SLC14A2: variants seen among roughly 807,000 people sequenced by gnomAD.
The protein encoded by SLC14A2 is solute carrier family 14 member 2, also known as urea transporter 2.
SLC14A2 carries 91 observed loss-of-function variants against 104.6 expected under a neutral mutation model. That is an observed-to-expected ratio of 0.87 (90% CI 0.73 to 1.04). The LOEUF is 1.04. Among genes scored for constraint, SLC14A2 ranks in the 50% least tolerant of loss-of-function variants. SLC14A2 has a pLI of 0.00. For synonymous variants in SLC14A2, 476 were observed against 466.4 expected (o/e 1.02, Z -0.27); for missense variants, 1,189 against 1,156.0 (o/e 1.03, Z -0.41).
chr18:45,251,114 G>T (rs2084418794), intron 1 of SLC14A2, among the ~76,000 whole-genome samples: 2 of 151,962 alleles, frequency 1.3e-5, no homozygotes, highest in Admixed American at 6.5e-5. Context: ...TGAGATTTTG[G>T]TGTACCCATC....
the SLC14A2 span, chr18:45,168,870 A>G: frequency 3.9e-5 from 6 of 152,202 alleles, no homozygotes; most frequent in African/African-American, 1.4e-4. Context: ...CTCTCTATAT[A>G]TTAAAACTTT....
At chr18:45,630,169 A>G (rs977776402) in intron 4 of SLC14A2, among the ~76,000 whole-genome samples, 2 of 152,174 alleles carry the variant, frequency 1.3e-5, no homozygotes, top group Admixed American at 1.3e-4. Flanking sequence ...TGGGCCATAT[A>G]CACCCACAGT....
chr18:45,275,753 TC>T (rs2084695607), intron 1 of SLC14A2, among the ~76,000 whole-genome samples: 1 of 152,224 alleles, frequency 6.6e-6, no homozygotes, highest in Non-Finnish European at 1.5e-5. Context: ...AGATTTCATC[TC>T]TTTTTTTACT....
chr18:45,204,810 T>TAA, the SLC14A2 span, among the ~76,000 whole-genome samples: 81 of 138,210 alleles, frequency 5.9e-4, no homozygotes, highest in African/African-American at 2.0e-3. Context: ...ATCACTGAGA[T>TAA]AAAAAAAAAA....
chr18:45,380,565 A>T (rs1217463695), intron 1 of SLC14A2, among the ~76,000 whole-genome samples: 1 of 152,212 alleles, frequency 6.6e-6, no homozygotes, highest in Non-Finnish European at 1.5e-5. Flanking sequence ...CAACTAGTAA[A>T]AAAAGTGGAA....
intron 1 of SLC14A2, among the ~76,000 whole-genome samples, chr18:45,463,240 G>A (rs2087077930): frequency 6.6e-6 from 1 of 152,320 alleles, no homozygotes; most frequent in Non-Finnish European, 1.5e-5. Flanking sequence ...TGGGCAAAGG[G>A]GGAGGCAGTT....
At chr18:45,524,951 T>G (rs2043571469) in intron 2 of SLC14A2, among the ~76,000 whole-genome samples, 1 of 152,232 alleles carries the variant, frequency 6.6e-6, no homozygotes, top group South Asian at 2.1e-4. Context: ...AAGCATCTCC[T>G]TATTATCAAG....
intron 2 of SLC14A2, chr18:45,485,335 T>C (rs1254900774): frequency 6.6e-6 from 1 of 152,244 alleles, no homozygotes; most frequent in African/African-American, 2.4e-5. Context: ...CAATTCCTCA[T>C]TGTTCAAATG....
intron 1 of SLC14A2, among the ~76,000 whole-genome samples, chr18:45,260,817 A>G (rs1449084307): frequency 1.3e-5 from 2 of 152,108 alleles, no homozygotes; most frequent in African/African-American, 4.8e-5. Flanking sequence ...GATGGTAACA[A>G]CAGATACTGG....
intron 1 of SLC14A2, among the ~76,000 whole-genome samples, chr18:45,359,592 C>A (rs2085590385): frequency 6.6e-6 from 1 of 152,234 alleles, no homozygotes; most frequent in Non-Finnish European, 1.5e-5. Context: ...CCAATCAGGG[C>A]AGTTTCCTTG....
intron 1 of SLC14A2, among the ~76,000 whole-genome samples, chr18:45,249,439 A>G (rs1055701475): frequency 1.8e-4 from 27 of 152,044 alleles, no homozygotes; most frequent in Non-Finnish European, 2.9e-5. Context: ...AATATTCTCA[A>G]AAATTCTTGA....
intron 1 of SLC14A2, among the ~76,000 whole-genome samples, chr18:45,338,526 C>A (rs2085359068): frequency 6.6e-6 from 1 of 151,672 alleles, no homozygotes; most frequent in Admixed American, 6.6e-5. Flanking sequence ...TTTAGCTGAA[C>A]CAATGTATAC....
chr18:45,616,554 A>G (rs2045074855), intron 1 of SLC14A2, among the ~76,000 whole-genome samples: 1 of 152,076 alleles, frequency 6.6e-6, no homozygotes, highest in Non-Finnish European at 1.5e-5. Context: ...TTTACCCATC[A>G]CCAGTGGCAA....
At chr18:45,669,019 G>A (rs1002262977) in intron 15 of SLC14A2, among the ~76,000 whole-genome samples, 2 of 152,192 alleles carry the variant, frequency 1.3e-5, no homozygotes, top group South Asian at 4.1e-4. Context: ...CCCTCCCCTC[G>A]GCCTCCCCAA....
At chr18:45,473,877 C>G (rs769271111) in intron 1 of SLC14A2, among the ~76,000 whole-genome samples, 15 of 152,100 alleles carry the variant, frequency 9.9e-5, no homozygotes, top group Admixed American at 3.9e-4. Flanking sequence ...TATTTTTTCT[C>G]TTGCCTGATT....
At chr18:45,482,816 G>A (rs999083619) in intron 1 of SLC14A2, among the ~76,000 whole-genome samples, 25 of 152,304 alleles carry the variant, frequency 1.6e-4, no homozygotes, top group Admixed American at 5.9e-4. Flanking sequence ...ACAATGGTGA[G>A]AACACAAGGG....
At chr18:45,386,681 A>T (rs1045373776) in intron 1 of SLC14A2, among the ~76,000 whole-genome samples, 1 of 152,240 alleles carries the variant, frequency 6.6e-6, no homozygotes, top group Non-Finnish European at 1.5e-5. Context: ...TTAGAAGAAC[A>T]TCATGGTTGA....
intron 1 of SLC14A2, among the ~76,000 whole-genome samples, chr18:45,305,195 G>T (rs1439136354): frequency 6.6e-6 from 1 of 152,214 alleles, no homozygotes; most frequent in Non-Finnish European, 1.5e-5. Context: ...GAACCTGCTT[G>T]TTTGGGAGAC....
chr18:45,512,032 G>T (rs1368660917), intron 2 of SLC14A2, among the ~76,000 whole-genome samples: 1 of 152,184 alleles, frequency 6.6e-6, no homozygotes, highest in East Asian at 1.9e-4. Flanking sequence ...AAGGAACCTA[G>T]GCAGAGCCCA....
Sources: gnomAD v4.1 joint callset for allele counts (sites outside exome capture counted in the v4.1 genomes callset) on GRCh38, gnomAD v4.1.1 for gene constraint, MANE v1.5 for transcripts, NCBI Gene and HGNC (gene_info 2026-07-23, HGNC 2026-07-21) for gene names.